Variants in LRRC7 observed in about 807,000 individuals in gnomAD.
LRRC7 encodes the protein leucine rich repeat containing 7.
LRRC7 carries 23 observed loss-of-function variants against 175.7 expected under a neutral mutation model. The ratio of observed to expected loss-of-function variants is 0.13; its 90% confidence interval spans 0.09 to 0.19. The LOEUF is 0.19. Among genes scored for constraint, LRRC7 ranks in the 10% least tolerant of loss-of-function variants. LRRC7 has a pLI of 1.00. For synonymous variants in LRRC7, 685 were observed against 680.9 expected (o/e 1.01, Z -0.09); for missense variants, 1,354 against 1,904.7 (o/e 0.71, Z 5.38).
intron 7 of LRRC7, among the ~76,000 whole-genome samples, chr1:69,851,357 T>G (rs766674903): frequency 1.3e-5 from 2 of 152,112 alleles, no homozygotes; most frequent in African/African-American, 4.8e-5. Flanking sequence ...CATTGCATCA[T>G]GAAAAGGACT....
At chr1:70,096,534 ATATT>A (rs1287545244) in intron 25 of LRRC7, among the ~76,000 whole-genome samples, 2 of 152,046 alleles carry the variant, frequency 1.3e-5, no homozygotes, top group South Asian at 2.1e-4. Flanking sequence ...AAGAAAAGTC[ATATT>A]TATTTATTTG....
intron 1 of LRRC7, among the ~76,000 whole-genome samples, chr1:69,674,614 C>T (rs569606817): frequency 1.4e-4 from 21 of 152,190 alleles, no homozygotes; most frequent in East Asian, 7.7e-4. Context: ...TTCATGATGA[C>T]GACAACCCAC....
chr1:69,858,283 C>G (rs1214240813), intron 7 of LRRC7, among the ~76,000 whole-genome samples: 1 of 152,116 alleles, frequency 6.6e-6, no homozygotes, highest in Non-Finnish European at 1.5e-5. Flanking sequence ...AACTAAAGAG[C>G]TTCTGCACAG....
At chr1:70,039,910 T>C in intron 21 of LRRC7, 117 bp downstream of exon 21, 1 of 1,268,026 alleles carries the variant, frequency 7.9e-7, no homozygotes, top group Non-Finnish European at 1.1e-6. Flanking sequence ...TGATCAGTAT[T>C]TTATTTATCT....
intron 15 of LRRC7, 184 bp from the exon 16 acceptor site, chr1:70,020,821 T>C: frequency 2.5e-6 from 1 of 398,304 alleles, no homozygotes; most frequent in Non-Finnish European, 4.3e-6. Context: ...CAAAAGACCA[T>C]GTAATAAATA....
At chr1:69,790,922 ACAAC>A (rs1396877382) in intron 3 of LRRC7, among the ~76,000 whole-genome samples, 2 of 152,050 alleles carry the variant, frequency 1.3e-5, no homozygotes, top group South Asian at 4.1e-4. Flanking sequence ...ATATTAAGTA[ACAAC>A]CAGCCCAATT....
intron 1 of LRRC7, among the ~76,000 whole-genome samples, chr1:69,667,541 C>A (rs1319892646): frequency 1.3e-5 from 2 of 152,120 alleles, no homozygotes; most frequent in Non-Finnish European, 2.9e-5. Context: ...GAATTCATCC[C>A]TTTATCATTA....
chr1:70,111,471 A>G (rs1266441357), intron 26 of LRRC7, among the ~76,000 whole-genome samples: 1 of 152,210 alleles, frequency 6.6e-6, no homozygotes, highest in African/African-American at 2.4e-5. Flanking sequence ...AGTAAGAGAA[A>G]AAACTGAAAG....
intron 3 of LRRC7, among the ~76,000 whole-genome samples, chr1:69,781,791 AAGGAAGGAAGG>A (rs747754568): frequency 0.011 from 247 of 21,746 alleles, 4 homozygotes; most frequent in Admixed American, 0.02. Flanking sequence ...GAAAGAAAGG[AAGGAAGGAAGG>A]AAGGAAGGAA....
At chr1:69,608,762 C>T (rs986385952) in intron 1 of LRRC7, among the ~76,000 whole-genome samples, 2 of 147,362 alleles carry the variant, frequency 1.4e-5, no homozygotes, top group Non-Finnish European at 3.0e-5. Context: ...AATATTTTAC[C>T]TAAGTAACTT....
intron 1 of LRRC7, 46 bp downstream of exon 1, chr1:69,568,687 C>CCGGCCGCGTG (rs1645600810): frequency 2.3e-6 from 3 of 1,315,786 alleles, no homozygotes; most frequent in Admixed American, 2.2e-5. Context: ...CTGCGGGGGC[C>CCGGCCGCGTG]CGGCCGCGGC....
intron 1 of LRRC7, among the ~76,000 whole-genome samples, chr1:69,619,954 G>T (rs12030270): frequency 2.0e-5 from 3 of 152,036 alleles, no homozygotes; most frequent in South Asian, 2.1e-4. Flanking sequence ...AATATAAAAA[G>T]TTCATTGCTT....
At chr1:69,984,962 T>C (rs1055829556) in intron 9 of LRRC7, among the ~76,000 whole-genome samples, 3 of 152,180 alleles carry the variant, frequency 2.0e-5, no homozygotes, top group African/African-American at 7.2e-5. Context: ...TTTCCCACTC[T>C]TCCTCAAACA....
At chr1:69,802,314 G>A (rs1346822887) in intron 4 of LRRC7, among the ~76,000 whole-genome samples, 6 of 151,552 alleles carry the variant, frequency 4.0e-5, no homozygotes, top group African/African-American at 1.4e-4. Context: ...TGTGAGTGAG[G>A]TGTTGAAGTC....
chr1:69,819,999 T>G (rs1200643152), intron 4 of LRRC7, among the ~76,000 whole-genome samples: 1 of 152,156 alleles, frequency 6.6e-6, no homozygotes, highest in Non-Finnish European at 1.5e-5. Context: ...CTATGTCTTT[T>G]CATTAGATTA....
intron 2 of LRRC7, among the ~76,000 whole-genome samples, chr1:69,697,162 T>G (rs576706906): frequency 7.2e-4 from 109 of 152,314 alleles, no homozygotes; most frequent in African/African-American, 2.5e-3. Context: ...TCCTCCAAAG[T>G]AATCAACTAG....
intron 7 of LRRC7, among the ~76,000 whole-genome samples, chr1:69,908,531 A>G (rs1294125811): frequency 6.6e-6 from 1 of 152,150 alleles, no homozygotes; most frequent in African/African-American, 2.4e-5. Context: ...TCCAGTAGTC[A>G]TTCAGGAGCA....
chr1:69,822,977 T>C (rs1679475256), intron 4 of LRRC7, among the ~76,000 whole-genome samples: 1 of 152,206 alleles, frequency 6.6e-6, no homozygotes, highest in Non-Finnish European at 1.5e-5. Context: ...AATATTAGTT[T>C]GGTGGTGTAT....
At chr1:69,685,250 T>A (rs1221510905) in intron 2 of LRRC7, among the ~76,000 whole-genome samples, 1 of 152,166 alleles carries the variant, frequency 6.6e-6, no homozygotes, top group Non-Finnish European at 1.5e-5. Context: ...ACAGGATACA[T>A]ACCTGCTAAA....
Sources: gnomAD v4.1 joint callset for allele counts (sites outside exome capture counted in the v4.1 genomes callset) on GRCh38, gnomAD v4.1.1 for gene constraint, MANE v1.5 for transcripts, NCBI Gene and HGNC (gene_info 2026-07-23, HGNC 2026-07-21) for gene names.